PGBD5: variants seen among roughly 807,000 people sequenced by gnomAD.
The protein encoded by PGBD5 is piggyBac transposable element-derived protein 5.
PGBD5 carries 14 observed loss-of-function variants against 47.9 expected under a neutral mutation model. The observed-to-expected ratio is 0.29, with a 90% CI of 0.19 to 0.46. The LOEUF is 0.46. Among genes scored for constraint, PGBD5 ranks in the 20% least tolerant of loss-of-function variants. PGBD5 has a pLI of 1.00. For missense variants in PGBD5, 635 were observed against 716.0 expected, an observed-to-expected ratio of 0.89 and a Z score of 1.29; for synonymous variants, 316 against 306.3, an observed-to-expected ratio of 1.03 and a Z score of -0.33.
chr1:230,349,591 C>T (rs1050924006), intron 3 of PGBD5, among the ~76,000 whole-genome samples: 1 of 149,428 alleles, frequency 6.7e-6, no homozygotes, highest in South Asian at 2.1e-4. Context: ...GGCAGGACCA[C>T]GTTTGCATAT....
chr1:230,325,962 C>T (rs1281072420), intron 5 of PGBD5, among the ~76,000 whole-genome samples: 1 of 152,202 alleles, frequency 6.6e-6, no homozygotes, highest in Non-Finnish European at 1.5e-5. Context: ...GACCTCACTC[C>T]TCCCATCTAG....
intron 1 of PGBD5, chr1:230,362,235 C>T: frequency 1.5e-6 from 2 of 1,356,814 alleles, no homozygotes; most frequent in Non-Finnish European, 2.0e-6. Context: ...TCAGGTGAGA[C>T]CTGGCTGGGA....
intron 5 of PGBD5, among the ~76,000 whole-genome samples, chr1:230,328,709 T>C (rs1398521251): frequency 6.6e-6 from 1 of 152,200 alleles, no homozygotes; most frequent in Non-Finnish European, 1.5e-5. Context: ...CGGCTGTTAG[T>C]GGCTTGACTG....
At chr1:230,348,230 TGGC>T (rs1206753610) in intron 3 of PGBD5, among the ~76,000 whole-genome samples, 4 of 152,236 alleles carry the variant, frequency 2.6e-5, no homozygotes, top group Admixed American at 1.3e-4. Flanking sequence ...AGTCATACAC[TGGC>T]AGTAGAAGGG....
chr1:230,381,976 T>TA (rs541795314), intron 1 of PGBD5, among the ~76,000 whole-genome samples: 1 of 152,160 alleles, frequency 6.6e-6, no homozygotes, highest in East Asian at 1.9e-4. Context: ...TTCACAGCTT[T>TA]AAAAAAAATT....
chr1:230,361,222 G>A (rs1158951274), intron 1 of PGBD5, among the ~76,000 whole-genome samples: 2 of 152,166 alleles, frequency 1.3e-5, no homozygotes, highest in Non-Finnish European at 2.9e-5. Flanking sequence ...GATAACGCAG[G>A]ATGAAAATGC....
rs545524958 is a variant in PGBD5 at position 230,421,307 on chromosome 1, G to A, written c.331+4291C>T. Among the ~76,000 whole-genome samples, 7 of 152,106 alleles carry A rather than the reference G, an allele frequency of 4.6e-5. No individual in the cohort carries two copies. The East Asian group carries it at 7.7e-4, about 17-fold the overall frequency. ...AGTTAAAACTCACAGAACTGTATCC[G>A]CTTCCCCCCAAAACTAAAAGCAATT... On this transcript the variant is annotated intron_variant, in intron 1 of 6. Transcript: ENST00000391860.
At chr1:230,358,057 A>G (rs764472488) in intron 1 of PGBD5, among the ~76,000 whole-genome samples, 1 of 152,030 alleles carries the variant, frequency 6.6e-6, no homozygotes, top group African/African-American at 2.4e-5. Context: ...TTACAAATAC[A>G]TCGATGTATA....
At chr1:230,340,280 A>T (rs545172764) in intron 3 of PGBD5, among the ~76,000 whole-genome samples, 1 of 152,222 alleles carries the variant, frequency 6.6e-6, no homozygotes, top group East Asian at 1.9e-4. Context: ...TGGTAAAAAA[A>T]TTAACAATGA....
chr1:230,329,351 A>C (rs1473728038), intron 5 of PGBD5, among the ~76,000 whole-genome samples: 1 of 152,224 alleles, frequency 6.6e-6, no homozygotes, highest in Non-Finnish European at 1.5e-5. Flanking sequence ...AGTAAAAAAA[A>C]ATTAACCAAT....
intron 1 of PGBD5, chr1:230,368,076 T>C: frequency 7.3e-7 from 1 of 1,367,918 alleles, no homozygotes; most frequent in Non-Finnish European, 9.8e-7. Context: ...TTTAGCTCTG[T>C]GGTTGCTTCT....
At chr1:230,367,268 A>G (rs1667850492) in intron 1 of PGBD5, among the ~76,000 whole-genome samples, 1 of 152,052 alleles carries the variant, frequency 6.6e-6, no homozygotes. Context: ...AGCTGAGGCC[A>G]CCGATGCCCC....
rs1413500038 is a variant in PGBD5, at chr1:230,425,992, GGGCCCGCGCCGC to G, written c.-76_-65del. On this transcript the variant is annotated 5_prime_UTR_variant, in exon 1 of 7. Coordinates refer to ENST00000391860, the MANE Select transcript of PGBD5 (RefSeq NM_001258311.2). This position sits in a 1 kb window ranked among gnomAD's most constrained non-coding sequence, Gnocchi z 4.7. ...CTCCCAGCCGCACACGCCGGGCCCT[GGGCCCGCGCCGC>G]GGCCCGCCGCCCCCCACCAGCGCAG... is the stretch of plus-strand genomic sequence containing the variant. The G allele has an allele frequency of 1.2e-6, 1 of 813,770 alleles. No individual in the cohort carries two copies. Among genetic ancestry groups the G allele is most frequent in the Non-Finnish European group, 1.5e-6 (1 of 677,964 alleles). The allele number at this position is 813,770 out of a possible 1,614,324, so 50.4% of individuals were successfully genotyped here.
intron 2 of PGBD5, 72 bp from the exon 3 acceptor site, chr1:230,351,164 C>A: frequency 6.8e-7 from 1 of 1,470,438 alleles, no homozygotes; most frequent in South Asian, 1.4e-5. Flanking sequence ...GATTGGAGCT[C>A]AAATTCAGCC....
In PGBD5 at chr1:230,323,305, A is replaced by T; in HGVS notation, c.*120T>A. On this transcript the variant is annotated 3_prime_UTR_variant, in exon 7 of 7. Transcript: ENST00000391860. The surrounding 1 kb of genome is among the most constrained non-coding windows in gnomAD (Gnocchi z 4.1). ...TCCTGTCCCTCCAGAGGCCCTGTGC[A>T]TCCCTCCCAGGCAGCAAGCCACACA... The T allele has an allele frequency of 8.5e-7, 1 of 1,176,444 alleles. No individual in the cohort carries two copies. The highest frequency in any genetic ancestry group is 1.2e-6 in the Non-Finnish European group (1 of 845,422). The allele number at this position is 1,176,444 out of a possible 1,614,324, so 72.9% of individuals were successfully genotyped here. A position where few individuals can be genotyped will look rare whatever the true frequency, so the allele number is the denominator to read the frequency against.
At chr1:230,360,751 T>C (rs74143195) in intron 1 of PGBD5, among the ~76,000 whole-genome samples, 19,641 of 152,202 alleles carry the variant, frequency 0.13, 2,486 homozygotes, top group African/African-American at 0.33. Context: ...CAGGTATTTC[T>C]TCATAGCAGC....
chr1:230,423,891 T>A lies in PGBD5; in HGVS notation c.331+1707A>T, dbSNP rs1381271613. Among the ~76,000 whole-genome samples, 5 of 152,208 alleles carry A rather than the reference T, an allele frequency of 3.3e-5. No homozygotes were observed. In the East Asian group the frequency reaches 9.6e-4, roughly 29 times the overall value. ...GCTAAATGACACACGATCCTGCTCTTCATGACCGTAAGTGCTGCGGTGGCT... is the reference window on the plus strand; with the variant it reads ...GCTAAATGACACACGATCCTGCTCTACATGACCGTAAGTGCTGCGGTGGCT... On this transcript the variant is annotated intron_variant, in intron 1 of 6. Transcript: ENST00000391860.
rs114884306 is a variant in PGBD5 at position 230,388,004 on chromosome 1, C to T, written c.332-30683G>A. Among the ~76,000 whole-genome samples the T allele has an allele frequency of 3.3e-3, 506 of 152,216 alleles. 3 individuals carry two copies. Among genetic ancestry groups the T allele is most frequent in the African/African-American group, 0.012 (484 of 41,536 alleles). On this transcript the variant is annotated intron_variant, in intron 1 of 6. Coordinates refer to ENST00000391860, the MANE Select transcript of PGBD5 (RefSeq NM_001258311.2). Reference sequence around the variant, plus strand: ...GGTGCCATCAAGGGGCTGCTCCCTGCGTCCCCCAGTGATGGACGTAACTCA... The same window carrying T: ...GGTGCCATCAAGGGGCTGCTCCCTGTGTCCCCCAGTGATGGACGTAACTCA...
rs188194163 is a variant in PGBD5, at chr1:230,398,855, T to C, written c.331+26743A>G. ...TGTCACATCGGTAAGATTCAAAACATAGCCATGGGCCAGCATGGAGTCCCC... is the reference window on the plus strand; with the variant it reads ...TGTCACATCGGTAAGATTCAAAACACAGCCATGGGCCAGCATGGAGTCCCC... On this transcript the variant is annotated intron_variant, in intron 1 of 6. Coordinates refer to ENST00000391860, the MANE Select transcript of PGBD5 (RefSeq NM_001258311.2). Among the ~76,000 whole-genome samples, 5 of 152,158 alleles carry C rather than the reference T, an allele frequency of 3.3e-5. No homozygotes were observed. In the East Asian group the frequency reaches 9.7e-4, roughly 29 times the overall value.
Sources: gnomAD v4.1 joint callset for allele counts (sites outside exome capture counted in the v4.1 genomes callset) on GRCh38, gnomAD v4.1.1 for gene constraint, Gnocchi (gnomAD v3.1) non-coding constraint, MANE v1.5 for transcripts, NCBI Gene and HGNC (gene_info 2026-07-23, HGNC 2026-07-21) for gene names.